Variants in CPD observed in about 807,000 individuals in gnomAD.
CPD encodes metallocarboxypeptidase D.
A neutral mutation model predicts 138.3 loss-of-function variants in CPD; 69 were observed. The ratio of observed to expected loss-of-function variants is 0.50; its 90% CI spans 0.41 to 0.61. The LOEUF is 0.61. Among genes scored for constraint, CPD ranks in the 20% least tolerant of loss-of-function variants. CPD has a pLI of 0.00. For synonymous variants in CPD, 651 were observed against 642.1 expected (o/e 1.01, Z -0.21); for missense variants, 1,432 against 1,733.3 (o/e 0.83, Z 3.09).
chr17:30,384,358 C>T (rs377159000), intron 1 of CPD, among the ~76,000 whole-genome samples: 1 of 151,982 alleles, frequency 6.6e-6, no homozygotes, highest in Non-Finnish European at 1.5e-5. Flanking sequence ...TCTCTTTGGA[C>T]GGTAAATGTA....
In CPD at chr17:30,407,265, G is replaced by T. The variant is rs560813781; in HGVS notation, c.995-13576G>T. ...AGTCTTTGCTATTGTGAATAGTGCC[G>T]CAATAAACATACATGTGCATGTGTC... is the stretch of plus-strand genomic sequence containing the variant. On this transcript the variant is annotated intron_variant, in intron 2 of 20. Coordinates refer to ENST00000225719, the MANE Select transcript of CPD (RefSeq NM_001304.5). Among the ~76,000 whole-genome samples the T allele has an allele frequency of 7.9e-5, 12 of 152,144 alleles. No homozygotes were observed. The South Asian group carries it at 2.5e-3, about 32-fold the overall frequency.
At chr17:30,415,690 A>G (rs1912086796) in intron 2 of CPD, among the ~76,000 whole-genome samples, 1 of 152,196 alleles carries the variant, frequency 6.6e-6, no homozygotes, top group African/African-American at 2.4e-5. Flanking sequence ...TCACATACCC[A>G]TGTTCATTGC....
At chr17:30,447,506 C>G (rs1276369283) in intron 12 of CPD, 3 of 152,086 alleles carry the variant, frequency 2.0e-5, no homozygotes, top group African/African-American at 7.2e-5. Flanking sequence ...ATTGTAAAAC[C>G]CTTTCCATCA....
intron 2 of CPD, 29 bp from the exon 3 acceptor site, chr17:30,420,812 A>G: frequency 6.3e-7 from 1 of 1,581,516 alleles, no homozygotes; most frequent in Non-Finnish European, 8.6e-7. Flanking sequence ...TTTCCTTCTG[A>G]GAGTAAACTT....
Position 30,379,391 on chromosome 17 carries a change from C to T in CPD, c.411C>T (p.Asn137=), listed in dbSNP as rs1910979709. ...PGRPQVKLVG[N]MHGDETVSRQ... is the part of the protein sequence containing the mutation. ...GGCCCCAGGTGAAGCTGGTGGGCAACATGCATGGCGACGAGACCGTGTCGC... is the reference window on the plus strand; with the variant it reads ...GGCCCCAGGTGAAGCTGGTGGGCAATATGCATGGCGACGAGACCGTGTCGC... Residue 137 remains asparagine (N), a synonymous_variant, in exon 1 of 21, where the codon AAC becomes AAT. Transcript: ENST00000225719. The surrounding 1 kb of genome is among the most constrained non-coding windows in gnomAD (Gnocchi z 7.0). The T allele has an allele frequency of 2.6e-6, 4 of 1,535,946 alleles. No individual in the cohort carries two copies. Among genetic ancestry groups the T allele is most frequent in the East Asian group, 5.2e-5 (2 of 38,138 alleles).
At chr17:30,455,235 T>C in intron 14 of CPD, 104 bp from the exon 15 acceptor site, 1 of 964,010 alleles carries the variant, frequency 1.0e-6, no homozygotes, top group Non-Finnish European at 1.5e-6. Context: ...TCTACAAATT[T>C]TTAAGTTAGC....
intron 2 of CPD, among the ~76,000 whole-genome samples, chr17:30,393,107 A>G (rs1427229352): frequency 6.6e-6 from 1 of 152,210 alleles, no homozygotes; most frequent in Non-Finnish European, 1.5e-5. Context: ...CTTTTATACA[A>G]TGGACAGAGT....
Position 30,379,521 on chromosome 17 carries a change from A to T in CPD, c.541A>T (p.Ser181Cys), listed in dbSNP as rs1910984576. The T allele has an allele frequency of 6.4e-7, 1 of 1,568,978 alleles. No individual in the cohort carries two copies. Among genetic ancestry groups the T allele is most frequent in the South Asian group, 1.1e-5 (1 of 87,528 alleles). ...LNTTDVYLLP[S>C]LNPDGFERAR... ...CACCACCGACGTGTACCTGCTGCCC[A>T]GCCTCAACCCCGATGGCTTCGAGCG... The change falls in exon 1 of 21, where the codon AGC (serine) becomes TGC (cysteine). Residue 181 changes from serine (S) to cysteine (C), a missense_variant. Physicochemically the swap from Ser to Cys is moderately radical, Grantham distance 112. Around this residue, in one of 6 missense-constraint regions of CPD, gnomAD observed 484 missense variants for 477.2 expected, o/e 1.01. Transcript: ENST00000225719. The surrounding 1 kb of genome is among the most constrained non-coding windows in gnomAD (Gnocchi z 7.0).
rs147588955 is a variant in CPD, at chr17:30,420,955, G to T, written c.1109G>T (p.Arg370Leu). 4 of 1,613,712 alleles carry T rather than the reference G, an allele frequency of 2.5e-6. No homozygotes were observed. Among genetic ancestry groups the T allele is most frequent in the African/African-American group, 1.3e-5 (1 of 74,908 alleles). Residue 370 changes from arginine to leucine, a missense_variant, in exon 3 of 21, where the codon CGT becomes CTT. Around this residue, in one of 6 missense-constraint regions of CPD, gnomAD observed 160 missense variants for 197.9 expected, o/e 0.81. Transcript: ENST00000225719. ...CTTCGACAGGAATGGGAGAACAATC[G>T]TGAGTCTTTGATCACATTGATTGAA... is the stretch of plus-strand genomic sequence containing the variant. ...SQLRQEWENNRESLITLIEKV... is the reference protein window; with the variant it reads ...SQLRQEWENNLESLITLIEKV...
intron 13 of CPD, 40 bp downstream of exon 13, chr17:30,449,788 A>G (rs1913119495): frequency 1.3e-6 from 2 of 1,506,184 alleles, no homozygotes; most frequent in Non-Finnish European, 1.8e-6. Flanking sequence ...TAAAAGGAAA[A>G]AGCTCAACAT....
At chr17:30,394,290 C>T (rs1374536944) in intron 2 of CPD, among the ~76,000 whole-genome samples, 1 of 152,100 alleles carries the variant, frequency 6.6e-6, no homozygotes, top group African/African-American at 2.4e-5. Context: ...CAGCTCCTAC[C>T]TCTCCTCTGC....
At chr17:30,440,616 C>T (rs1338096089) in intron 9 of CPD, among the ~76,000 whole-genome samples, 2 of 149,220 alleles carry the variant, frequency 1.3e-5, no homozygotes, top group Non-Finnish European at 3.0e-5. Flanking sequence ...CCAGTTTCAG[C>T]TTTCTACATA....
At chr17:30,464,155 C>A (rs1451749233) in intron 20 of CPD, among the ~76,000 whole-genome samples, 1 of 151,994 alleles carries the variant, frequency 6.6e-6, no homozygotes, top group Non-Finnish European at 1.5e-5. Context: ...CTTTGGGAGG[C>A]CGAGGCAGGT....
At chr17:30,410,345 T>A (rs1215920615) in intron 2 of CPD, among the ~76,000 whole-genome samples, 3 of 152,166 alleles carry the variant, frequency 2.0e-5, no homozygotes, top group African/African-American at 4.8e-5. Context: ...TGATTTGGAG[T>A]GGAGAGTTCT....
chr17:30,456,422 T>G, intron 16 of CPD, 40 bp from the exon 17 acceptor site: 1 of 1,609,866 alleles, frequency 6.2e-7, no homozygotes, highest in Non-Finnish European at 8.5e-7. Context: ...AGTTTCACCT[T>G]AAGGTCTTCC....
At chr17:30,389,778 T>C (rs1911300059) in intron 2 of CPD, among the ~76,000 whole-genome samples, 1 of 152,250 alleles carries the variant, frequency 6.6e-6, no homozygotes, top group Admixed American at 6.5e-5. Flanking sequence ...GCTGTCATTT[T>C]TATTTTCATG....
At chr17:30,403,123 A>G (rs2009718) in intron 2 of CPD, among the ~76,000 whole-genome samples, 69,886 of 151,974 alleles carry the variant, frequency 0.46, 16,631 homozygotes, top group East Asian at 0.82. Flanking sequence ...ATAAAATAAA[A>G]TAAAAATAAT....
intron 15 of CPD, 199 bp downstream of exon 15, chr17:30,455,669 T>C (rs1250060571): frequency 1.9e-6 from 1 of 520,282 alleles, no homozygotes; most frequent in Non-Finnish European, 3.3e-6. Context: ...CCCAGCTTTA[T>C]TGAGTCTAGC....
intron 7 of CPD, among the ~76,000 whole-genome samples, chr17:30,429,980 T>C (rs1476112202): frequency 6.6e-6 from 1 of 152,166 alleles, no homozygotes; most frequent in Non-Finnish European, 1.5e-5. Context: ...GCATCTGCTG[T>C]TTCTCAGTTG....
Sources: allele counts gnomAD v4.1 joint callset (sites outside exome capture counted in the v4.1 genomes callset), GRCh38; gene constraint gnomAD v4.1.1; regional missense constraint gnomAD v4.1.1; non-coding constraint Gnocchi (gnomAD v3.1); transcripts MANE v1.5; gene names NCBI Gene and HGNC (gene_info 2026-07-23, HGNC 2026-07-21).